Variants in UVRAG observed in about 807,000 individuals in gnomAD.
UVRAG encodes the protein UV radiation resistance-associated gene protein.
A neutral mutation model predicts 78.0 loss-of-function variants in UVRAG; 19 were observed. The observed-to-expected ratio is 0.24, with a 90% CI of 0.17 to 0.36. UVRAG has a LOEUF of 0.36. UVRAG is among the 10% of genes least tolerant of loss of function. The pLI, the probability that UVRAG is intolerant of heterozygous loss-of-function variation, is 1.00. For synonymous variants in UVRAG, 323 were observed against 324.6 expected (o/e 1.00, Z 0.05); for missense variants, 740 against 853.8 (o/e 0.87, Z 1.66).
intron 11 of UVRAG, among the ~76,000 whole-genome samples, chr11:76,013,387 C>G (rs1287626186): frequency 6.6e-6 from 1 of 152,172 alleles, no homozygotes; most frequent in East Asian, 1.9e-4. Context: ...ATACCTGAGT[C>G]TTAAGGTTCA....
chr11:75,873,498 A>G (rs1345175655), intron 3 of UVRAG, among the ~76,000 whole-genome samples: 1 of 152,078 alleles, frequency 6.6e-6, no homozygotes, highest in African/African-American at 2.4e-5. Flanking sequence ...CTTCTGAGGA[A>G]GAGATGTTTG....
At chr11:76,078,384 A>T (rs1033692999) in intron 13 of UVRAG, among the ~76,000 whole-genome samples, 13 of 152,144 alleles carry the variant, frequency 8.5e-5, no homozygotes, top group African/African-American at 2.7e-4. Flanking sequence ...TTATCTGTGG[A>T]TAGACCCATA....
At chr11:75,976,752 C>T (rs1949250694) in intron 7 of UVRAG, among the ~76,000 whole-genome samples, 1 of 151,860 alleles carries the variant, frequency 6.6e-6, no homozygotes, top group South Asian at 2.1e-4. Context: ...TTTGATTCTT[C>T]CTTCTTTTCT....
chr11:75,891,537 A>T (rs1947213106), intron 5 of UVRAG, among the ~76,000 whole-genome samples: 1 of 152,162 alleles, frequency 6.6e-6, no homozygotes, highest in Admixed American at 6.5e-5. Context: ...ATACCCCAAG[A>T]ACCTTATAGC....
intron 6 of UVRAG, among the ~76,000 whole-genome samples, chr11:75,950,412 T>C (rs551033446): frequency 8.5e-5 from 13 of 152,294 alleles, no homozygotes; most frequent in African/African-American, 2.9e-4. Context: ...CGCACTACCA[T>C]GCTTGGCTAA....
intron 1 of UVRAG, among the ~76,000 whole-genome samples, chr11:75,834,270 A>G (rs769882244): frequency 2.6e-5 from 4 of 152,074 alleles, no homozygotes; most frequent in Non-Finnish European, 5.9e-5. Flanking sequence ...AAAAAATAGG[A>G]CATTCCTCAT....
intron 13 of UVRAG, among the ~76,000 whole-genome samples, chr11:76,093,925 C>T (rs942409794): frequency 1.3e-5 from 2 of 152,172 alleles, no homozygotes; most frequent in Non-Finnish European, 2.9e-5. Flanking sequence ...GAGGGCATCC[C>T]TGTCTTGTGC....
chr11:75,879,054 T>A (rs1946881994), intron 3 of UVRAG, among the ~76,000 whole-genome samples: 1 of 152,224 alleles, frequency 6.6e-6, no homozygotes, highest in Non-Finnish European at 1.5e-5. Flanking sequence ...CAGAGAGGGT[T>A]TCGACTCCCT....
chr11:76,132,240 C>A (rs1183891393), intron 14 of UVRAG, among the ~76,000 whole-genome samples: 1 of 152,168 alleles, frequency 6.6e-6, no homozygotes, highest in Non-Finnish European at 1.5e-5. Flanking sequence ...GGTCTCACTG[C>A]CATGAGGTCA....
At chr11:75,840,781 A>G (rs764056913) in intron 1 of UVRAG, among the ~76,000 whole-genome samples, 1 of 152,252 alleles carries the variant, frequency 6.6e-6, no homozygotes, top group Non-Finnish European at 1.5e-5. Flanking sequence ...GCTTATAGCC[A>G]GTAGCCCCAG....
At chr11:76,100,775 G>T (rs991463767) in intron 13 of UVRAG, among the ~76,000 whole-genome samples, 4 of 151,714 alleles carry the variant, frequency 2.6e-5, no homozygotes, top group African/African-American at 9.7e-5. Context: ...CCATCATCTG[G>T]TAGAACCCAG....
At chr11:75,870,179 G>A (rs1461318444) in intron 3 of UVRAG, among the ~76,000 whole-genome samples, 1 of 152,160 alleles carries the variant, frequency 6.6e-6, no homozygotes, top group Non-Finnish European at 1.5e-5. Context: ...TACCAACTTA[G>A]GAATTATTGC....
At chr11:75,838,302 A>T (rs1945829547) in intron 1 of UVRAG, among the ~76,000 whole-genome samples, 1 of 152,094 alleles carries the variant, frequency 6.6e-6, no homozygotes, top group East Asian at 1.9e-4. Context: ...GAATCAAAGA[A>T]TATGTGCATT....
intron 4 of UVRAG, among the ~76,000 whole-genome samples, chr11:75,884,254 C>G (rs919810568): frequency 1.7e-4 from 25 of 149,072 alleles, no homozygotes; most frequent in African/African-American, 6.2e-4. Flanking sequence ...CTCTCTCTCT[C>G]TGTGTGAAGT....
At chr11:76,013,676 G>C (rs1372388746) in intron 11 of UVRAG, among the ~76,000 whole-genome samples, 1 of 152,204 alleles carries the variant, frequency 6.6e-6, no homozygotes, top group Admixed American at 6.5e-5. Context: ...TGACATCTGA[G>C]GTTGCATGGC....
intron 13 of UVRAG, among the ~76,000 whole-genome samples, chr11:76,066,775 A>G (rs937151911): frequency 6.6e-6 from 1 of 152,200 alleles, no homozygotes; most frequent in Non-Finnish European, 1.5e-5. Flanking sequence ...CACCCAGCCT[A>G]TTTATTTTTA....
chr11:76,005,332 G>T (rs1169061769), intron 9 of UVRAG, among the ~76,000 whole-genome samples: 2 of 151,852 alleles, frequency 1.3e-5, no homozygotes, highest in East Asian at 3.9e-4. Context: ...GACAGAGCGA[G>T]ACGCCATCTT....
At chr11:75,956,872 T>TTA (rs1327782282) in intron 6 of UVRAG, among the ~76,000 whole-genome samples, 6 of 152,154 alleles carry the variant, frequency 3.9e-5, no homozygotes, top group Non-Finnish European at 8.8e-5. Context: ...TTGGCCATTC[T>TTA]TATATCTTCT....
chr11:76,037,478 A>G (rs1292896287), intron 12 of UVRAG, among the ~76,000 whole-genome samples: 5 of 149,922 alleles, frequency 3.3e-5, no homozygotes, highest in African/African-American at 1.2e-4. Flanking sequence ...TGCAGCGGGC[A>G]GATTGCTTGA....
Sources: gnomAD v4.1 joint callset for allele counts (sites outside exome capture counted in the v4.1 genomes callset) on GRCh38, gnomAD v4.1.1 for gene constraint, MANE v1.5 for transcripts, NCBI Gene and HGNC (gene_info 2026-07-23, HGNC 2026-07-21) for gene names.